Variants in TBC1D31 observed in about 807,000 individuals in gnomAD.
The protein encoded by TBC1D31 is TBC1 domain family member 31.
A neutral mutation model predicts 132.9 loss-of-function variants in TBC1D31; 99 were observed. The ratio of observed to expected loss-of-function variants is 0.74; its 90% confidence interval spans 0.63 to 0.88. The LOEUF (loss-of-function observed/expected upper bound fraction) is 0.88, where lower values mean the gene tolerates loss of function less well. TBC1D31 is among the 40% of genes least tolerant of loss of function. TBC1D31 has a pLI of 0.00. For missense variants in TBC1D31, 1,134 were observed against 1,256.6 expected (o/e 0.90, Z 1.48); for synonymous variants, 385 against 419.4 (o/e 0.92, Z 1.00).
At position 123,128,371 on chromosome 8, in the gene TBC1D31, C is replaced by T. The variant is rs754388151; in HGVS notation, c.1975C>T (p.Pro659Ser). The T allele has an allele frequency of 3.1e-5, 50 of 1,612,966 alleles. No individual in the cohort carries two copies. Among genetic ancestry groups the T allele is most frequent in the Non-Finnish European group, 3.8e-5 (45 of 1,179,188 alleles). The change falls in exon 14 of 22, where the codon CCA (proline) becomes TCA (serine). Residue 659 changes from proline (P) to serine (S), a missense_variant. By Grantham distance (74) the Pro-to-Ser change is moderately conservative (BLOSUM62 -1). Coordinates refer to ENST00000287380, the MANE Select transcript of TBC1D31 (RefSeq NM_145647.4). ...LMETTPTDIH[P>S]DSMLNVFVAL... is the part of the protein sequence containing the mutation. Reference sequence around the variant, plus strand: ...GGAGACCACGCCTACTGACATTCATCCAGACAGCATGCTTAATGTTTTTGT... The same window carrying T: ...GGAGACCACGCCTACTGACATTCATTCAGACAGCATGCTTAATGTTTTTGT...
intron 16 of TBC1D31, among the ~76,000 whole-genome samples, chr8:123,132,402 T>C (rs1473813179): frequency 7.4e-6 from 1 of 134,550 alleles, no homozygotes; most frequent in Admixed American, 7.5e-5. Context: ...ATTTTTTAAG[T>C]CTTTTTTTTT....
chr8:123,104,337 G>A (rs1424491352), intron 7 of TBC1D31: 1 of 152,008 alleles, frequency 6.6e-6, no homozygotes, highest in Non-Finnish European at 1.5e-5. Flanking sequence ...TTTATTGTTT[G>A]TAAACACAGG....
At chr8:123,100,772 CAT>C in intron 6 of TBC1D31, 33 bp from the exon 7 acceptor site, 4 of 1,533,862 alleles carry the variant, frequency 2.6e-6, no homozygotes, top group East Asian at 2.3e-5. Flanking sequence ...TTGACTATCA[CAT>C]GTTTTTAGGA....
chr8:123,105,265 T>C (rs937816251), intron 7 of TBC1D31, 23 bp from the exon 8 acceptor site: 6 of 1,490,176 alleles, frequency 4.0e-6, no homozygotes, highest in Middle Eastern at 1.7e-4. Context: ...TTAGAATATA[T>C]ATATATTTAT....
chr8:123,118,650 G>A (rs1819180510), intron 10 of TBC1D31, among the ~76,000 whole-genome samples: 1 of 151,664 alleles, frequency 6.6e-6, no homozygotes, highest in Non-Finnish European at 1.5e-5. Flanking sequence ...AAATAAACAT[G>A]TAAAGGACCA....
At chr8:123,098,032 G>A (rs1056591802) in intron 6 of TBC1D31, among the ~76,000 whole-genome samples, 3 of 151,926 alleles carry the variant, frequency 2.0e-5, no homozygotes, top group Admixed American at 6.6e-5. Context: ...ATAGACTGTC[G>A]TGGATCTTGT....
At chr8:123,138,900 C>T (rs1821346685) in intron 17 of TBC1D31, among the ~76,000 whole-genome samples, 1 of 152,112 alleles carries the variant, frequency 6.6e-6, no homozygotes, top group Non-Finnish European at 1.5e-5. Context: ...ACTTCTGCCT[C>T]CCGGGCTCCT....
chr8:123,142,183 G>T, intron 18 of TBC1D31, 79 bp from the exon 19 acceptor site: 2 of 1,070,376 alleles, frequency 1.9e-6, no homozygotes, highest in Non-Finnish European at 2.6e-6. Context: ...CCAGACACTT[G>T]GATACATTGA....
At position 123,077,127 on chromosome 8, in the gene TBC1D31, A is replaced by G. The variant is rs752745217; in HGVS notation, c.94A>G (p.Ile32Val). 67 of 1,609,890 alleles carry G rather than the reference A, an allele frequency of 4.2e-5. No individual in the cohort carries two copies. Among genetic ancestry groups the G allele is most frequent in the Non-Finnish European group, 5.6e-5 (66 of 1,178,698 alleles). Residue 32 changes from isoleucine (I) to valine (V), a missense_variant, in exon 2 of 22, where the codon ATT (isoleucine) becomes GTT (valine). Transcript: ENST00000287380. ...CTTTGACAGAATTATAGTGAACATT[A>G]TTCACAACACTTCCGATTACCATCC... ...ATRDGIIVNIIHNTSDYHPKV... is the reference protein window; with the variant it reads ...ATRDGIIVNIVHNTSDYHPKV...
chr8:123,160,403 G>A, the TBC1D31 span, among the ~76,000 whole-genome samples: 20 of 151,978 alleles, frequency 1.3e-4, no homozygotes, highest in Middle Eastern at 3.4e-3. Context: ...GTAGGAATTA[G>A]AAGAAAAGGG....
chr8:123,093,767 G>T, intron 5 of TBC1D31, 25 bp downstream of exon 5: 1 of 1,361,306 alleles, frequency 7.3e-7, no homozygotes, highest in South Asian at 2.0e-5. Context: ...AAGACACTAG[G>T]AATATTTAAG....
At position 123,097,395 on chromosome 8, in the gene TBC1D31, G is replaced by GC. The variant is rs1563691437; in HGVS notation, c.787dup (p.His263ProfsTer7). On this transcript the variant is annotated frameshift_variant, in exon 6 of 22. Transcript: ENST00000287380. LOFTEE classifies it high-confidence loss of function. ...ATGCCCACTAAAGTTCGAGCCATTC[G>GC]CCATCTGGAATTTCTTCCTGATAGT... 6.2e-7 allele frequency: 1 copy of GC among 1,614,092 alleles called. No homozygotes were observed. The highest frequency in any genetic ancestry group is 1.7e-5 in the Admixed American group (1 of 60,014).
intron 16 of TBC1D31, among the ~76,000 whole-genome samples, chr8:123,133,487 T>C (rs1346718962): frequency 1.3e-5 from 2 of 152,246 alleles, no homozygotes; most frequent in East Asian, 3.8e-4. Flanking sequence ...TTCGATAGCA[T>C]GTCTTTTACC....
At chr8:123,149,585 G>C (rs979266515) in intron 20 of TBC1D31, among the ~76,000 whole-genome samples, 4 of 152,188 alleles carry the variant, frequency 2.6e-5, no homozygotes, top group African/African-American at 7.2e-5. Context: ...AAGTAGGGGA[G>C]GCACCACTAG....
chr8:123,084,539 T>G (rs1815519951), intron 4 of TBC1D31, among the ~76,000 whole-genome samples, 199 bp downstream of exon 4: 2 of 152,236 alleles, frequency 1.3e-5, no homozygotes, highest in African/African-American at 4.8e-5. Flanking sequence ...TTTCTAAAAT[T>G]ATAGCTATGT....
At chr8:123,097,559 C>A (rs1304969401) in intron 6 of TBC1D31, 118 bp downstream of exon 6, 3 of 1,207,498 alleles carry the variant, frequency 2.5e-6, no homozygotes, top group Non-Finnish European at 3.4e-6. Flanking sequence ...TTTGAAATTA[C>A]AAATATGTTA....
the TBC1D31 span, among the ~76,000 whole-genome samples, chr8:123,160,014 A>G: frequency 6.6e-6 from 1 of 152,206 alleles, no homozygotes; most frequent in Non-Finnish European, 1.5e-5. Context: ...GTTGTTTGTT[A>G]CAAGTAATGA....
chr8:123,140,779 G>T lies in TBC1D31; in HGVS notation c.2518G>T (p.Glu840Ter). The change falls in exon 18 of 22, where the codon GAA (glutamate) becomes TAA (stop). Residue 840 changes from glutamate to a stop codon, truncating the protein, a stop_gained. Coordinates refer to ENST00000287380, the MANE Select transcript of TBC1D31 (RefSeq NM_145647.4). LOFTEE classifies it high-confidence loss of function. Reference protein sequence around the residue: ...LYEKNLTENQEALAKEMRADA... With the variant: ...LYEKNLTENQ Reference sequence around the variant, plus strand: ...TTAACAGAATCTTACTGAAAATCAAGAAGCTCTTGCAAAAGAAATGCGAGC... The same window carrying T: ...TTAACAGAATCTTACTGAAAATCAATAAGCTCTTGCAAAAGAAATGCGAGC... The T allele has an allele frequency of 2.5e-6, 4 of 1,602,846 alleles. No individual in the cohort carries two copies. The highest frequency in any genetic ancestry group is 3.4e-6 in the Non-Finnish European group (4 of 1,177,264).
intron 11 of TBC1D31, among the ~76,000 whole-genome samples, chr8:123,123,893 G>A (rs141978990): frequency 1.0e-3 from 159 of 152,154 alleles, no homozygotes; most frequent in African/African-American, 3.5e-3. Flanking sequence ...GATTAACTTC[G>A]CTTGGTACAC....
Sources: allele counts gnomAD v4.1 joint callset (sites outside exome capture counted in the v4.1 genomes callset), GRCh38; gene constraint gnomAD v4.1.1; transcripts MANE v1.5; gene names NCBI Gene and HGNC (gene_info 2026-07-23, HGNC 2026-07-21).